Variants in FBXL2 observed in about 807,000 individuals in gnomAD.
The protein encoded by FBXL2 is F-box/LRR-repeat protein 2.
A neutral mutation model predicts 69.2 loss-of-function variants in FBXL2; 38 were observed. The ratio of observed to expected loss-of-function variants is 0.55; its 90% CI spans 0.42 to 0.72. The LOEUF (loss-of-function observed/expected upper bound fraction) is 0.72, where lower values mean the gene tolerates loss of function less well. Ranked by LOEUF, FBXL2 falls within the 30% of genes least tolerant of loss-of-function variation. The pLI is 0.00. For missense variants in FBXL2, 354 were observed against 520.3 expected, an observed-to-expected ratio of 0.68 and a Z score of 3.11; for synonymous variants, 192 against 201.3, an observed-to-expected ratio of 0.95 and a Z score of 0.39.
downstream of FBXL2, among the ~76,000 whole-genome samples, chr3:33,407,901 G>A (rs2044469593): frequency 6.6e-6 from 1 of 152,198 alleles, no homozygotes; most frequent in South Asian, 2.1e-4. Context: ...ATCTAAGTTT[G>A]CAAAGCAGGA....
At chr3:33,285,671 G>A (rs1457874069) in intron 1 of FBXL2, among the ~76,000 whole-genome samples, 1 of 152,142 alleles carries the variant, frequency 6.6e-6, no homozygotes, top group Non-Finnish European at 1.5e-5. Flanking sequence ...ATCACTTTCA[G>A]GTACACCAAT....
At chr3:33,335,295 A>G (rs1218108120) in intron 2 of FBXL2, among the ~76,000 whole-genome samples, 2 of 152,202 alleles carry the variant, frequency 1.3e-5, no homozygotes, top group African/African-American at 2.4e-5. Flanking sequence ...GTGAAGAGAA[A>G]TGAAACCCAG....
chr3:33,398,113 G>A (rs946937084), intron 12 of FBXL2: 1 of 152,192 alleles, frequency 6.6e-6, no homozygotes, highest in African/African-American at 2.4e-5. Context: ...TTTAATGTCT[G>A]AATGTATCCA....
Position 33,335,808 on chromosome 3 carries a change from A to G in FBXL2, c.66-23159A>G, listed in dbSNP as rs913925879. Among the ~76,000 whole-genome samples the G allele has an allele frequency of 2.6e-5, 4 of 152,078 alleles. 1 individual carries two copies. Among genetic ancestry groups the G allele is most frequent in the Non-Finnish European group, 5.9e-5 (4 of 68,000 alleles). ...ATGATTAAATGTAAATGAGTCTAAC[A>G]CTCCTATTAAAAGCCTGGATGACAG... On this transcript the variant is annotated intron_variant, in intron 2 of 14. Coordinates refer to ENST00000484457, the MANE Select transcript of FBXL2 (RefSeq NM_012157.5).
At chr3:33,407,690 G>A (rs184090641), downstream of FBXL2, among the ~76,000 whole-genome samples, 146 of 152,284 alleles carry the variant, frequency 9.6e-4, no homozygotes, top group African/African-American at 3.2e-3. Context: ...AGTTTCTTGT[G>A]ATAGTGCTTG....
At chr3:33,355,613 C>T (rs1477926033) in intron 2 of FBXL2, among the ~76,000 whole-genome samples, 2 of 152,188 alleles carry the variant, frequency 1.3e-5, no homozygotes, top group Non-Finnish European at 2.9e-5. Context: ...ATAATTAAAA[C>T]AGCCTTAGTG....
chr3:33,396,401 G>A (rs535653581), intron 12 of FBXL2: 101 of 686,954 alleles, frequency 1.5e-4, no homozygotes, highest in African/African-American at 9.4e-4. Flanking sequence ...ATGTTATTTC[G>A]TTATACAAAG....
chr3:33,343,019 C>A (rs112628383), intron 2 of FBXL2, among the ~76,000 whole-genome samples: 73 of 150,578 alleles, frequency 4.8e-4, no homozygotes, highest in Middle Eastern at 6.8e-3. Context: ...GGATTACAGG[C>A]GTGAGCCACC....
intron 12 of FBXL2, chr3:33,397,877 A>G (rs1384985982): frequency 6.6e-6 from 1 of 152,124 alleles, no homozygotes; most frequent in Non-Finnish European, 1.5e-5. Flanking sequence ...CTTACCATAC[A>G]AGAAAAAAAA....
chr3:33,411,384 A>G, the FBXL2 span, among the ~76,000 whole-genome samples: 1 of 152,236 alleles, frequency 6.6e-6, no homozygotes, highest in Non-Finnish European at 1.5e-5. Flanking sequence ...TGCTTTACAT[A>G]TCATAGAATG....
At chr3:33,352,110 A>G (rs2040869203) in intron 2 of FBXL2, among the ~76,000 whole-genome samples, 3 of 152,364 alleles carry the variant, frequency 2.0e-5, no homozygotes, top group Middle Eastern at 3.4e-3. Context: ...GACATGTAGC[A>G]TTGGTGAAAG....
At chr3:33,310,095 A>G (rs1209686639) in intron 2 of FBXL2, among the ~76,000 whole-genome samples, 1 of 152,086 alleles carries the variant, frequency 6.6e-6, no homozygotes, top group African/African-American at 2.4e-5. Context: ...ATTTTTAAAC[A>G]TTGTGTATCA....
chr3:33,351,344 C>T (rs976571806), intron 2 of FBXL2, among the ~76,000 whole-genome samples: 14 of 152,108 alleles, frequency 9.2e-5, no homozygotes, highest in Admixed American at 7.2e-4. Flanking sequence ...ATTAATATTA[C>T]AAAAGTTAAT....
chr3:33,292,461 G>C (rs751256902), intron 1 of FBXL2, among the ~76,000 whole-genome samples: 5 of 151,996 alleles, frequency 3.3e-5, no homozygotes, highest in Middle Eastern at 3.2e-3. Context: ...AAACCAAAGA[G>C]AGAAAGAGGC....
chr3:33,297,986 T>G (rs1347699387), intron 2 of FBXL2: 1 of 464,284 alleles, frequency 2.2e-6, no homozygotes, highest in Non-Finnish European at 4.0e-6. Context: ...TAATCTTCAG[T>G]AGGTGCCATT....
chr3:33,397,508 A>C (rs2044049884), intron 12 of FBXL2: 1 of 158,880 alleles, frequency 6.3e-6, no homozygotes, highest in Admixed American at 6.5e-5. Context: ...CCCTGAGATC[A>C]CCCGGGCCAG....
chr3:33,304,034 A>T (rs1056074570), intron 2 of FBXL2, among the ~76,000 whole-genome samples: 1 of 152,010 alleles, frequency 6.6e-6, no homozygotes. Flanking sequence ...AAAATTTTTT[A>T]AATGCTAAAT....
At chr3:33,388,480 T>C (rs1201618327), downstream of FBXL2, 1 of 152,660 alleles carries the variant, frequency 6.6e-6, no homozygotes, top group African/African-American at 2.4e-5. Flanking sequence ...CTCAGTATAA[T>C]TTCAAGTCTG....
At chr3:33,405,657 T>C (rs575991210), downstream of FBXL2, among the ~76,000 whole-genome samples, 1 of 152,256 alleles carries the variant, frequency 6.6e-6, no homozygotes, top group East Asian at 1.9e-4. Flanking sequence ...CGAGAACCTG[T>C]CTCAAGTGTC....
Sources: allele counts gnomAD v4.1 joint callset (sites outside exome capture counted in the v4.1 genomes callset), GRCh38; gene constraint gnomAD v4.1.1; transcripts MANE v1.5; gene names NCBI Gene and HGNC (gene_info 2026-07-23, HGNC 2026-07-21).